MAX: variants seen among roughly 807,000 people sequenced by gnomAD.
The protein encoded by MAX is protein max.
In MAX, 3 loss-of-function variants were observed where a neutral mutation model predicts 22.3. The observed-to-expected ratio is 0.13, with a 90% confidence interval of 0.06 to 0.35. The LOEUF (loss-of-function observed/expected upper bound fraction) is 0.35. Among genes scored for constraint, MAX ranks in the 10% least tolerant of loss-of-function variants. The pLI is 1.00. For missense variants in MAX, 119 were observed against 209.4 expected, an observed-to-expected ratio of 0.57 and a Z score of 2.66; for synonymous variants, 72 against 77.7, an observed-to-expected ratio of 0.93 and a Z score of 0.39.
At chr14:65,053,405 G>A (rs541112489) in intron 3 of MAX, 28 of 1,297,504 alleles carry the variant, frequency 2.2e-5, no homozygotes, top group Admixed American at 1.7e-4. Context: ...GCAGAGGGGC[G>A]TGCACCTCAG....
rs1311712593 is a variant in MAX at position 65,009,587 on chromosome 14, C to A, written c.172-3303G>T. On this transcript the variant is annotated intron_variant, in intron 3 of 3. Coordinates refer to the MAX transcript ENST00000341653. The surrounding 1 kb of genome is among the most constrained non-coding windows in gnomAD (Gnocchi z 4.2). ...GCATCCTTCCTTATTCCAGGCTCAC[C>A]TCTCCTACTATACCCTCATCCCAGC... Among the ~76,000 whole-genome samples, 1 of 152,108 alleles carries A rather than the reference C, an allele frequency of 6.6e-6. No individual in the cohort carries two copies. Among genetic ancestry groups the A allele is most frequent in the Non-Finnish European group, 1.5e-5 (1 of 68,030 alleles).
chr14:65,102,049 GC>G, intron 1 of MAX, among the ~76,000 whole-genome samples: 1 of 152,304 alleles, frequency 6.6e-6, no homozygotes, highest in Non-Finnish European at 1.5e-5. Flanking sequence ...GGAGGCCGCA[GC>G]ACCCTCCCGC....
intron 3 of MAX, among the ~76,000 whole-genome samples, chr14:65,018,704 G>C (rs961628539): frequency 2.0e-5 from 3 of 151,472 alleles, no homozygotes; most frequent in African/African-American, 7.3e-5. Context: ...CAGCTACTCG[G>C]GAGACTAAGG....
At position 65,028,592 on chromosome 14, in the gene MAX, A is replaced by G. The variant is rs886850309; in HGVS notation, c.172-22308T>C. 1.3e-4 allele frequency among the ~76,000 whole-genome samples: 20 copies of G among 152,248 alleles called. No individual in the cohort carries two copies. Among genetic ancestry groups the G allele is most frequent in the South Asian group, 6.2e-4 (3 of 4,836 alleles). ...CTGGTTTAACCATTGGTTTGAAAGT[A>G]TAGGGGAGGAAAAAACCACGAACAT... On this transcript the variant is annotated intron_variant, in intron 3 of 3. Transcript: ENST00000341653. The surrounding 1 kb of genome is among the most constrained non-coding windows in gnomAD (Gnocchi z 4.4).
At chr14:65,071,694 C>T (rs1264239764), downstream of MAX, among the ~76,000 whole-genome samples, 1 of 152,224 alleles carries the variant, frequency 6.6e-6, no homozygotes, top group Non-Finnish European at 1.5e-5. The surrounding 1 kb of genome is among the most constrained non-coding windows in gnomAD (Gnocchi z 4.2). Flanking sequence ...GACAGGCGGG[C>T]TCAGAGCCCC....
Position 65,032,338 on chromosome 14 carries a change from CTGT to C in MAX, c.172-26057_172-26055del. 1 of 307,866 alleles carries C rather than the reference CTGT, an allele frequency of 3.2e-6. No homozygotes were observed. 19.1% of individuals were successfully genotyped at this position (307,866 alleles called of 1,614,324 possible). ...CCACTTTTGACATGAATTGATATGG[CTGT>C]TATTTCCTCTGATGTAGATTGGACC... On this transcript the variant is annotated intron_variant, in intron 3 of 3. Coordinates refer to the MAX transcript ENST00000341653. This position sits in a 1 kb window ranked among gnomAD's most constrained non-coding sequence, Gnocchi z 5.0.
chr14:65,041,409 C>A (rs1298821624), intron 3 of MAX, among the ~76,000 whole-genome samples: 1 of 152,124 alleles, frequency 6.6e-6, no homozygotes, highest in Non-Finnish European at 1.5e-5. Flanking sequence ...ACGCTCCTGG[C>A]CAGTATTCAG....
rs1379590450 is a variant in MAX at position 65,100,787 on chromosome 14, A to T, written c.63+759T>A. 2.0e-5 allele frequency among the ~76,000 whole-genome samples: 3 copies of T among 152,168 alleles called. No homozygotes were observed. In the East Asian group the frequency reaches 5.8e-4, roughly 29 times the overall value. ...CATGAAACATCCATATTACTGTCTC[A>T]GACTCCAAAGACATGGAATTAGTGC... On this transcript the variant is annotated intron_variant, in intron 2 of 4. Transcript: ENST00000358664.
intron 3 of MAX, among the ~76,000 whole-genome samples, chr14:65,016,859 G>A (rs1374060455): frequency 6.6e-6 from 1 of 152,062 alleles, no homozygotes; most frequent in Non-Finnish European, 1.5e-5. Flanking sequence ...AGCACTGGAA[G>A]GAGAGTTGGA....
In MAX at chr14:65,099,222, T is replaced by C. The variant is rs116957376; in HGVS notation, c.63+2324A>G. On this transcript the variant is annotated intron_variant, in intron 2 of 4. Coordinates refer to ENST00000358664, the MANE Select transcript of MAX (RefSeq NM_002382.5). Reference sequence around the variant, plus strand: ...TATACTATAAAATTTGTTTATAACATATCTGCTTTTTCTCTCCATGCTGTT... The same window carrying C: ...TATACTATAAAATTTGTTTATAACACATCTGCTTTTTCTCTCCATGCTGTT... Among the ~76,000 whole-genome samples the C allele has an allele frequency of 1.1e-3, 167 of 152,286 alleles. No individual in the cohort carries two copies. In the East Asian group the frequency reaches 0.03, roughly 27 times the overall value.
At chr14:65,048,083 T>C (rs1263334264) in intron 3 of MAX, among the ~76,000 whole-genome samples, 3 of 150,152 alleles carry the variant, frequency 2.0e-5, no homozygotes, top group African/African-American at 4.9e-5. Context: ...CTCGGTTCAA[T>C]TGATTTTCTT....
chr14:65,084,133 A>T lies in MAX; in HGVS notation c.172-6097T>A, dbSNP rs774101330. On this transcript the variant is annotated intron_variant, in intron 3 of 4. Coordinates refer to ENST00000358664, the MANE Select transcript of MAX (RefSeq NM_002382.5). The surrounding 1 kb of genome is among the most constrained non-coding windows in gnomAD (Gnocchi z 4.3). Reference sequence around the variant, plus strand: ...CTATCAGCCCTCAAGCAGCTTAATTAAAGCCAGGAGTAAGACATTTGTGTA... The same window carrying T: ...CTATCAGCCCTCAAGCAGCTTAATTTAAGCCAGGAGTAAGACATTTGTGTA... The T allele has an allele frequency of 8.0e-5, 129 of 1,610,096 alleles. No individual in the cohort carries two copies. Among genetic ancestry groups the T allele is most frequent in the Middle Eastern group, 4.9e-4 (3 of 6,068 alleles).
At chr14:65,008,286 A>G (rs755322382) in intron 3 of MAX, among the ~76,000 whole-genome samples, 4 of 152,166 alleles carry the variant, frequency 2.6e-5, no homozygotes, top group Non-Finnish European at 4.4e-5. Flanking sequence ...AGGATGGCCC[A>G]GGTTTGGGGG....
chr14:65,101,748 G>C, intron 1 of MAX, 176 bp from the exon 2 acceptor site: 1 of 595,000 alleles, frequency 1.7e-6, no homozygotes, highest in East Asian at 3.0e-5. Context: ...GGCGGGATCC[G>C]GTAGCAGGGT....
At chr14:65,048,711 C>T (rs2139659587) in intron 3 of MAX, among the ~76,000 whole-genome samples, 1 of 151,792 alleles carries the variant, frequency 6.6e-6, no homozygotes, top group South Asian at 2.1e-4. Flanking sequence ...AACAGTTAAC[C>T]AGACATGGTG....
At position 65,044,238 on chromosome 14, in the gene MAX, T is replaced by C; in HGVS notation, c.172-37954A>G. On this transcript the variant is annotated intron_variant, in intron 3 of 3. Coordinates refer to the MAX transcript ENST00000341653. This position sits in a 1 kb window ranked among gnomAD's most constrained non-coding sequence, Gnocchi z 5.5. ...GAAACCCTCCATCCCACAGATTGACTCCTGGAGATTCTGTCGGGCTGGATT... is the reference window on the plus strand; with the variant it reads ...GAAACCCTCCATCCCACAGATTGACCCCTGGAGATTCTGTCGGGCTGGATT... The C allele has an allele frequency of 1.9e-6, 3 of 1,606,878 alleles. No individual in the cohort carries two copies. The East Asian group carries it at 6.7e-5, about 36-fold the overall frequency.
chr14:65,099,701 G>GA (rs33995031), intron 2 of MAX, among the ~76,000 whole-genome samples: 6 of 150,832 alleles, frequency 4.0e-5, no homozygotes, highest in Admixed American at 2.0e-4. Context: ...GACTTGCAGG[G>GA]AAAAAAAAAG....
rs541677614 is a variant in MAX, at chr14:65,076,775, G to A, written c.296-112C>T. The A allele has an allele frequency of 5.0e-5, 63 of 1,268,886 alleles. No homozygotes were observed. In the African/African-American group the frequency reaches 7.0e-4, roughly 14 times the overall value. The allele number at this position is 1,268,886 out of a possible 1,614,324, so 78.6% of individuals were successfully genotyped here. On this transcript the variant is annotated intron_variant, in intron 4 of 4. Coordinates refer to ENST00000358664, the MANE Select transcript of MAX (RefSeq NM_002382.5). This position sits in a 1 kb window ranked among gnomAD's most constrained non-coding sequence, Gnocchi z 6.6. The stretch of plus-strand genomic sequence containing the variant: ...CCTAAGGGCTTGCTTGTTGGCCCCC[G>A]AGGCTCAAGATGCTCAGAAGTAGCT...
chr14:65,054,533 C>T lies in MAX; in HGVS notation c.171+39175G>A, dbSNP rs552903310. ...GTGTGGCTACATTTGTAGATGTGTGCGGAGCAGAGGAGCGCCTGCTCAGAG... is the reference window on the plus strand; with the variant it reads ...GTGTGGCTACATTTGTAGATGTGTGTGGAGCAGAGGAGCGCCTGCTCAGAG... On this transcript the variant is annotated intron_variant, in intron 3 of 3. Coordinates refer to the MAX transcript ENST00000341653. The surrounding 1 kb of genome is among the most constrained non-coding windows in gnomAD (Gnocchi z 4.4). 1.2e-5 allele frequency: 19 copies of T among 1,578,008 alleles called. No individual in the cohort carries two copies. The highest frequency in any genetic ancestry group is 9.3e-5 in the East Asian group (4 of 43,194).
Sources: allele counts gnomAD v4.1 joint callset (sites outside exome capture counted in the v4.1 genomes callset), GRCh38; gene constraint gnomAD v4.1.1; non-coding constraint Gnocchi (gnomAD v3.1); transcripts MANE v1.5; gene names NCBI Gene and HGNC (gene_info 2026-07-23, HGNC 2026-07-21).